Variants in SYNPO observed in about 807,000 individuals in gnomAD.
SYNPO encodes synaptopodin.
In SYNPO, 19 loss-of-function variants were observed where a neutral mutation model predicts 49.5. The observed-to-expected ratio is 0.38, with a 90% CI of 0.27 to 0.56. The LOEUF is 0.56. Ranked by LOEUF, SYNPO falls within the 20% of genes least tolerant of loss-of-function variation. The probability of loss-of-function intolerance (pLI) is 0.68; values close to 1 mark genes in which losing one functional copy is unlikely to be tolerated. For missense variants in SYNPO, 1,131 were observed against 1,248.3 expected, an observed-to-expected ratio of 0.91 and a Z score of 1.42; for synonymous variants, 536 against 548.0, an observed-to-expected ratio of 0.98 and a Z score of 0.31.
Position 150,618,193 on chromosome 5 carries a change from G to A in SYNPO, c.-175G>A, listed in dbSNP as rs116644310. 6.7e-3 allele frequency: 4,963 copies of A among 741,114 alleles called. 85 individuals carry two copies. The highest frequency in any genetic ancestry group is 0.048 in the African/African-American group (2,712 of 56,180). 45.9% of individuals were successfully genotyped at this position (741,114 alleles called of 1,614,324 possible). ...CTAGCCCAGGAAGGACTTATCTTTCGTCTCAGCCAGACCTCACCCCAATTC... is the reference window on the plus strand; with the variant it reads ...CTAGCCCAGGAAGGACTTATCTTTCATCTCAGCCAGACCTCACCCCAATTC... On this transcript the variant is annotated 5_prime_UTR_variant, in exon 2 of 3. Transcript: ENST00000394243.
intron 2 of SYNPO, among the ~76,000 whole-genome samples, chr5:150,620,682 C>T (rs890613538): frequency 6.6e-6 from 1 of 152,190 alleles, no homozygotes; most frequent in Non-Finnish European, 1.5e-5. Context: ...TGGCAAGTCA[C>T]ACCAAGCCAG....
upstream of SYNPO, among the ~76,000 whole-genome samples, chr5:150,639,737 G>T (rs1365089706): frequency 6.6e-6 from 1 of 152,238 alleles, no homozygotes; most frequent in African/African-American, 2.4e-5. Context: ...CTCCCAAAAT[G>T]TTGGCTCTTG....
chr5:150,605,804 A>G (rs540127034), intron 1 of SYNPO, among the ~76,000 whole-genome samples: 2 of 152,170 alleles, frequency 1.3e-5, no homozygotes, highest in East Asian at 3.9e-4. Context: ...ACACTGATAC[A>G]CAGAGACACG....
At chr5:150,631,714 G>C (rs1757544668) in intron 2 of SYNPO, among the ~76,000 whole-genome samples, 1 of 152,136 alleles carries the variant, frequency 6.6e-6, no homozygotes, top group South Asian at 2.1e-4. Flanking sequence ...GCTATCGACA[G>C]ACCCCATTCA....
chr5:150,651,785 A>G, intron 2 of SYNPO: 1 of 1,000,390 alleles, frequency 1.0e-6, no homozygotes, highest in Non-Finnish European at 1.2e-6. Flanking sequence ...CAGTTTCCAC[A>G]TTCATACAGT....
intron 2 of SYNPO, chr5:150,618,811 AGACCCCC>A: frequency 6.5e-7 from 1 of 1,549,620 alleles, no homozygotes; most frequent in Non-Finnish European, 8.7e-7. Flanking sequence ...GAGTCACTGG[AGACCCCC>A]CAGGTCCTTA....
intron 1 of SYNPO, among the ~76,000 whole-genome samples, chr5:150,609,030 G>A (rs988274746): frequency 7.2e-5 from 11 of 152,212 alleles, no homozygotes; most frequent in African/African-American, 2.7e-4. Context: ...GTTTTAACCA[G>A]CGGTGTGTGG....
chr5:150,626,055 C>T (rs1757346234), intron 2 of SYNPO, among the ~76,000 whole-genome samples: 1 of 152,188 alleles, frequency 6.6e-6, no homozygotes, highest in South Asian at 2.1e-4. Context: ...ACCCCCTGTC[C>T]ATTAGAAAGT....
chr5:150,632,164 GATAA>G (rs1265187159), intron 2 of SYNPO, among the ~76,000 whole-genome samples: 1 of 152,072 alleles, frequency 6.6e-6, no homozygotes, highest in African/African-American at 2.4e-5. Context: ...CTCTATTATA[GATAA>G]ATACTCTAAT....
chr5:150,639,836 G>A (rs1413782864), upstream of SYNPO, among the ~76,000 whole-genome samples: 1 of 152,250 alleles, frequency 6.6e-6, no homozygotes, highest in African/African-American at 2.4e-5. Context: ...AAGCAGTAGA[G>A]GCCCCTGCCC....
intron 2 of SYNPO, among the ~76,000 whole-genome samples, chr5:150,621,523 G>A (rs1272844795): frequency 6.6e-6 from 1 of 152,174 alleles, no homozygotes; most frequent in Non-Finnish European, 1.5e-5. Context: ...AGAAGGCTGT[G>A]GGGCTGCCAG....
At position 150,648,185 on chromosome 5, in the gene SYNPO, G is replaced by A; in HGVS notation, c.-91G>A. The A allele has an allele frequency of 6.3e-7, 1 of 1,576,974 alleles. No individual in the cohort carries two copies. Among genetic ancestry groups the A allele is most frequent in the African/African-American group, 1.3e-5 (1 of 74,188 alleles). ...CAAGCCTCCCAGGCCATGCACCGGG[G>A]CTCAGCCTGAGTTCCACCTCGCTGC... On this transcript the variant is annotated 5_prime_UTR_variant, in exon 2 of 3. Transcript: ENST00000307662. This position sits in a 1 kb window ranked among gnomAD's most constrained non-coding sequence, Gnocchi z 5.0.
chr5:150,615,921 C>G (rs1175408527), intron 1 of SYNPO, among the ~76,000 whole-genome samples: 2 of 152,214 alleles, frequency 1.3e-5, no homozygotes, highest in African/African-American at 4.8e-5. Context: ...AGGTAATTCT[C>G]TCATAGGGTT....
intron 2 of SYNPO, chr5:150,650,780 C>T (rs1009571081): frequency 7.7e-7 from 1 of 1,290,498 alleles, no homozygotes; most frequent in Non-Finnish European, 9.9e-7. Flanking sequence ...TCAGCTGCCC[C>T]AGGGGGGCCT....
chr5:150,608,214 T>C (rs1416088959), intron 1 of SYNPO, among the ~76,000 whole-genome samples: 1 of 151,352 alleles, frequency 6.6e-6, no homozygotes, highest in East Asian at 2.0e-4. Context: ...TGCACTGATG[T>C]CACTCTTCTT....
rs774410828 is a variant in SYNPO at position 150,657,430 on chromosome 5, TCTCA to T, written c.*345_*348del. 821 of 157,410 alleles carry T rather than the reference TCTCA, an allele frequency of 5.2e-3. 3 individuals are homozygous for T. Among genetic ancestry groups the T allele is most frequent in the African/African-American group, 8.1e-3 (192 of 23,626 alleles). The allele number at this position is 157,410 out of a possible 1,614,324, so 9.8% of individuals were successfully genotyped here. On this transcript the variant is annotated 3_prime_UTR_variant, in exon 3 of 3. Coordinates refer to ENST00000307662, the MANE Select transcript of SYNPO (RefSeq NM_007286.6). ...CACTCTCTCTTTCTCTCTCTCTCTC[TCTCA>T]CACACACACACACACACACACACAC... is the stretch of plus-strand genomic sequence containing the variant.
In SYNPO at chr5:150,650,126, G is replaced by A. The variant is rs3733930; in HGVS notation, c.1851G>A (p.Ser617=). 84 of 1,612,510 alleles carry A rather than the reference G, an allele frequency of 5.2e-5. No individual in the cohort carries two copies. Among genetic ancestry groups the A allele is most frequent in the East Asian group, 4.2e-4 (19 of 44,754 alleles). Residue 617 remains serine (S), a synonymous_variant, in exon 2 of 3, where the codon TCG becomes TCA. Coordinates refer to ENST00000307662, the MANE Select transcript of SYNPO (RefSeq NM_007286.6). ...CATCTCCTGCCCTGCCTCGGCCCTC[G>A]CGCTCCTCACCGGGCCTCTACACCT... The part of the protein sequence containing the change: ...LPPSPALPRP[S]RSSPGLYTSP...
At chr5:150,642,541 G>A (rs1757947444) in intron 1 of SYNPO, among the ~76,000 whole-genome samples, 1 of 151,074 alleles carries the variant, frequency 6.6e-6, no homozygotes, top group Non-Finnish European at 1.5e-5. Flanking sequence ...GACACCAAGA[G>A]CATGATCTTG....
chr5:150,650,781 A>AG (rs939714147), intron 2 of SYNPO: 115 of 1,292,602 alleles, frequency 8.9e-5, no homozygotes, highest in African/African-American at 7.3e-4. Context: ...CAGCTGCCCC[A>AG]GGGGGGCCTC....
Sources: gnomAD v4.1 joint callset for allele counts (sites outside exome capture counted in the v4.1 genomes callset) on GRCh38, gnomAD v4.1.1 for gene constraint, Gnocchi (gnomAD v3.1) non-coding constraint, MANE v1.5 for transcripts, NCBI Gene and HGNC (gene_info 2026-07-23, HGNC 2026-07-21) for gene names.